DMD: variants seen among roughly 807,000 people sequenced by gnomAD.
DMD encodes the protein dystrophin, also known as mutant dystrophin.
Under a neutral mutation model 330.1 loss-of-function variants are expected in DMD, and 63 were observed. The observed-to-expected ratio is 0.19, with a 90% confidence interval of 0.16 to 0.24. The LOEUF is 0.24. Ranked by LOEUF, DMD falls within the 10% of genes least tolerant of loss-of-function variation. The pLI is 1.00. For synonymous variants in DMD, 1,223 were observed against 959.8 expected (o/e 1.27, Z -5.07); for missense variants, 3,344 against 2,684.1 (o/e 1.25, Z -5.43).
rs55970492 is a variant in DMD at position 33,045,315 on chromosome X, T to TAC, written c.32-25117_32-25116dup. On this transcript the variant is annotated intron_variant, in intron 1 of 78. Transcript: ENST00000357033. ...TCAGAACTACACACACACAGGTGCGTACACACACACACACACACACACACA... is the reference window on the plus strand; with the variant it reads ...TCAGAACTACACACACACAGGTGCGTACACACACACACACACACACACACACA... Among the ~76,000 whole-genome samples the TAC allele has an allele frequency of 2.4e-3, 231 of 96,733 alleles. 1 individual carries two copies. In the Middle Eastern group the frequency reaches 0.034, roughly 14 times the overall value. 84.0% of individuals were successfully genotyped at this position (96,733 alleles called of 115,157 possible).
chrX:32,048,168 C>T (rs1372710962), intron 44 of DMD, among the ~76,000 whole-genome samples: 1 of 99,420 alleles, frequency 1.0e-5, no homozygotes, highest in Admixed American at 1.2e-4. Flanking sequence ...ATCTCATTTA[C>T]TCCTCACAAT....
At chrX:31,479,972 G>A (rs2068121751) in intron 57 of DMD, among the ~76,000 whole-genome samples, 1 of 111,965 alleles carries the variant, frequency 8.9e-6, no homozygotes, top group African/African-American at 3.2e-5. Flanking sequence ...CACCATTGAA[G>A]AGAGTTATTG....
chrX:32,116,895 C>T (rs369764784), intron 44 of DMD, among the ~76,000 whole-genome samples: 9 of 112,129 alleles, frequency 8.0e-5, no homozygotes, highest in Non-Finnish European at 1.5e-4. Flanking sequence ...GCCCCAAATT[C>T]TAACTTCATT....
At chrX:31,603,072 T>C (rs903498923) in intron 55 of DMD, among the ~76,000 whole-genome samples, 5 of 111,275 alleles carry the variant, frequency 4.5e-5, no homozygotes, top group Admixed American at 1.9e-4. Flanking sequence ...GCTTCTGTCA[T>C]TGCCTTGTGC....
At chrX:32,553,386 A>T (rs1898047) in intron 16 of DMD, among the ~76,000 whole-genome samples, 1 of 109,176 alleles carries the variant, frequency 9.2e-6, no homozygotes, top group East Asian at 2.9e-4. Context: ...AAAGAAGGGG[A>T]CAACAGACAC....
chrX:31,229,659 T>A (rs910171616), intron 63 of DMD, among the ~76,000 whole-genome samples: 2 of 112,091 alleles, frequency 1.8e-5, no homozygotes, highest in Non-Finnish European at 3.8e-5. Flanking sequence ...AGTATTGTTC[T>A]AAATTCAGTG....
intron 60 of DMD, among the ~76,000 whole-genome samples, chrX:31,377,284 G>C (rs1193880507): frequency 9.0e-6 from 1 of 111,714 alleles, no homozygotes. Context: ...AAAGGCAGAG[G>C]TTATGGGAAG....
At chrX:32,475,607 G>C (rs1003264901) in intron 21 of DMD, among the ~76,000 whole-genome samples, 1 of 110,691 alleles carries the variant, frequency 9.0e-6, no homozygotes, top group Non-Finnish European at 1.9e-5. Flanking sequence ...TTTTGTTGTT[G>C]TTGTTGTTAT....
chrX:31,776,489 G>T (rs1398261633), intron 50 of DMD, among the ~76,000 whole-genome samples: 1 of 107,491 alleles, frequency 9.3e-6, no homozygotes, highest in Non-Finnish European at 1.9e-5. Flanking sequence ...TAAAGTGAAG[G>T]ATGAGGAACT....
At position 31,515,748 on chromosome X, in the gene DMD, T is replaced by C. The variant is rs137872093; in HGVS notation, c.8218-8295A>G. Among the ~76,000 whole-genome samples, 743 of 111,928 alleles carry C rather than the reference T, an allele frequency of 6.6e-3. 4 individuals carry two copies. Among genetic ancestry groups the C allele is most frequent in the African/African-American group, 0.023 (695 of 30,834 alleles). On this transcript the variant is annotated intron_variant, in intron 55 of 78. Coordinates refer to ENST00000357033, the MANE Select transcript of DMD (RefSeq NM_004006.3). ...AAACTAACAGCTCTCCATGCATCAG[T>C]AGCCCTTGAAGGCATCACCTCGTTT...
chrX:31,234,013 C>T (rs1376042473), intron 63 of DMD, among the ~76,000 whole-genome samples: 1 of 111,811 alleles, frequency 8.9e-6, no homozygotes, highest in Admixed American at 9.5e-5. Context: ...TCTGGAAGAA[C>T]CTGAAGACCT....
intron 59 of DMD, among the ~76,000 whole-genome samples, chrX:31,448,559 T>C (rs2065456221): frequency 8.9e-6 from 1 of 112,532 alleles, no homozygotes; most frequent in Admixed American, 9.4e-5. Flanking sequence ...AATTTGTGTT[T>C]AAATTATTAA....
intron 45 of DMD, among the ~76,000 whole-genome samples, chrX:31,933,745 G>C (rs1400679710): frequency 8.9e-6 from 1 of 111,831 alleles, no homozygotes; most frequent in Non-Finnish European, 1.9e-5. Flanking sequence ...TGTCAACTTT[G>C]ATTATTTTGC....
chrX:33,176,977 CTG>C (rs1041149326), intron 1 of DMD, among the ~76,000 whole-genome samples: 4 of 111,728 alleles, frequency 3.6e-5, no homozygotes, highest in African/African-American at 1.3e-4. Flanking sequence ...AAAAGAGAAA[CTG>C]TGTGAAGGGG....
intron 1 of DMD, among the ~76,000 whole-genome samples, chrX:33,077,603 T>C (rs1234928924): frequency 3.6e-5 from 4 of 111,774 alleles, no homozygotes; most frequent in Non-Finnish European, 5.6e-5. Context: ...GCAGGCCTAA[T>C]TGGGCTTCCA....
At chrX:32,483,586 T>G (rs2042129438) in intron 21 of DMD, among the ~76,000 whole-genome samples, 1 of 109,413 alleles carries the variant, frequency 9.1e-6, no homozygotes, top group African/African-American at 3.3e-5. Flanking sequence ...GCATAGCCAC[T>G]AAATGTATTT....
At chrX:32,859,766 C>T (rs941864629) in intron 2 of DMD, among the ~76,000 whole-genome samples, 2 of 111,194 alleles carry the variant, frequency 1.8e-5, no homozygotes, top group African/African-American at 6.5e-5. Flanking sequence ...TCATCTTCAA[C>T]ATACACCATG....
At position 31,906,985 on chromosome X, in the gene DMD, T is replaced by C. The variant is rs2094485788; in HGVS notation, c.6912+22611A>G. 3.6e-5 allele frequency among the ~76,000 whole-genome samples: 4 copies of C among 112,320 alleles called. No individual in the cohort carries two copies. In the Admixed American group the frequency reaches 3.8e-4, roughly 11 times the overall value. On this transcript the variant is annotated intron_variant, in intron 47 of 78. Transcript: ENST00000357033. ...TAAGACACACAGAAACAGAAAATAC[T>C]GTGGAAGGAAGAATCAACATCTTTT...
chrX:31,148,761 G>A (rs1034756644), intron 74 of DMD, among the ~76,000 whole-genome samples: 1 of 112,142 alleles, frequency 8.9e-6, no homozygotes, highest in African/African-American at 3.2e-5. Context: ...CCTGATGGGT[G>A]CATTTTAATT....
Sources: allele counts gnomAD v4.1 joint callset (sites outside exome capture counted in the v4.1 genomes callset), GRCh38; gene constraint gnomAD v4.1.1; transcripts MANE v1.5; gene names NCBI Gene and HGNC (gene_info 2026-07-23, HGNC 2026-07-21).